MORN1: variants seen among roughly 807,000 people sequenced by gnomAD.
MORN1 encodes the protein MORN repeat containing 1.
A neutral mutation model predicts 61.9 loss-of-function variants in MORN1; 67 were observed. That is an observed-to-expected ratio of 1.08 (90% CI 0.89 to 1.33). The LOEUF is 1.33. Among genes scored for constraint, MORN1 ranks in the 40% most tolerant of loss-of-function variants. The pLI, the probability that MORN1 is intolerant of heterozygous loss-of-function variation, is 0.00. For missense variants in MORN1, 752 were observed against 691.2 expected (o/e 1.09, Z -0.99); for synonymous variants, 301 against 292.0 (o/e 1.03, Z -0.31).
intron 10 of MORN1, among the ~76,000 whole-genome samples, chr1:2,343,337 G>C (rs979656388): frequency 2.6e-5 from 4 of 152,312 alleles, no homozygotes; most frequent in African/African-American, 9.6e-5. Flanking sequence ...AAAGCTGTCT[G>C]TGTAGCTGCC....
chr1:2,378,134 G>C (rs900053616), intron 6 of MORN1: 1 of 152,384 alleles, frequency 6.6e-6, no homozygotes, highest in African/African-American at 2.4e-5. Flanking sequence ...TGGTCCCATC[G>C]CAAGTGCCTG....
In MORN1 at chr1:2,357,304, G is replaced by A. The variant is rs1261838023; in HGVS notation, c.1036+128C>T. On this transcript the variant is annotated intron_variant, in intron 10 of 13. Coordinates refer to ENST00000378531, the MANE Select transcript of MORN1 (RefSeq NM_024848.3). This position sits in a 1 kb window ranked among gnomAD's most constrained non-coding sequence, Gnocchi z 6.3. ...CGGCCCTGCCTCCTTTCACCCACGCGTGATGACTGACCCTGGGTGCGGCTT... is the reference window on the plus strand; with the variant it reads ...CGGCCCTGCCTCCTTTCACCCACGCATGATGACTGACCCTGGGTGCGGCTT... 28 of 1,026,842 alleles carry A rather than the reference G, an allele frequency of 2.7e-5. No homozygotes were observed. Among genetic ancestry groups the A allele is most frequent in the South Asian group, 5.0e-5 (3 of 59,594 alleles). The allele number at this position is 1,026,842 out of a possible 1,614,324, so 63.6% of individuals were successfully genotyped here.
chr1:2,345,856 G>C (rs557681001), intron 10 of MORN1, among the ~76,000 whole-genome samples: 1,542 of 76,744 alleles, frequency 0.02, 18 homozygotes, highest in African/African-American at 0.056. Flanking sequence ...CACACACACA[G>C]ATGTTTGCTC....
intron 8 of MORN1, among the ~76,000 whole-genome samples, chr1:2,367,921 G>C (rs1466445608): frequency 6.6e-6 from 1 of 152,116 alleles, no homozygotes; most frequent in Non-Finnish European, 1.5e-5. Flanking sequence ...GAGCCACCGT[G>C]CCTGGCCTAA....
intron 10 of MORN1, chr1:2,355,086 C>A: frequency 3.3e-6 from 3 of 920,630 alleles, no homozygotes; most frequent in Non-Finnish European, 3.9e-6. Flanking sequence ...GCGCGGGGGG[C>A]CCGCGCGGGG....
At position 2,380,069 on chromosome 1, in the gene MORN1, A is replaced by G. The variant is rs533876327; in HGVS notation, c.537+4909T>C. ...CGGGCCCGGCTCAGCCTTAGCAAGG[A>G]AGGAGGAGCTGGCACAGGCTCCAGC... On this transcript the variant is annotated intron_variant, in intron 6 of 13. Coordinates refer to ENST00000378531, the MANE Select transcript of MORN1 (RefSeq NM_024848.3). Among the ~76,000 whole-genome samples, 154 of 152,216 alleles carry G rather than the reference A, an allele frequency of 1.0e-3. 1 individual carries two copies. Among genetic ancestry groups the G allele is most frequent in the Middle Eastern group, 3.4e-3 (1 of 294 alleles).
In MORN1 at chr1:2,357,120, C is replaced by T. The variant is rs577142520; in HGVS notation, c.1036+312G>A. ...CCGTGTCCAGGCTGGCCACTGGCCT[C>T]GAGGCCTGGGTGAGTCTGCTGCCCT... On this transcript the variant is annotated intron_variant, in intron 10 of 13. Coordinates refer to ENST00000378531, the MANE Select transcript of MORN1 (RefSeq NM_024848.3). This position sits in a 1 kb window ranked among gnomAD's most constrained non-coding sequence, Gnocchi z 6.3. Among the ~76,000 whole-genome samples the T allele has an allele frequency of 1.3e-5, 2 of 152,126 alleles. No individual in the cohort carries two copies. The highest frequency in any genetic ancestry group is 2.9e-5 in the Non-Finnish European group (2 of 67,978).
chr1:2,378,708 CTCTACTCT>C, intron 6 of MORN1: 1 of 356,984 alleles, frequency 2.8e-6, no homozygotes, highest in African/African-American at 2.1e-5. Context: ...CACGTGTGGC[CTCTACTCT>C]GTCTGCTCCG....
At chr1:2,343,446 G>A (rs1024827134) in intron 10 of MORN1, among the ~76,000 whole-genome samples, 5 of 152,210 alleles carry the variant, frequency 3.3e-5, no homozygotes, top group African/African-American at 9.7e-5. Context: ...CCAGCCAGGC[G>A]GGTGTGGGGC....
intron 10 of MORN1, among the ~76,000 whole-genome samples, chr1:2,348,401 G>A (rs1397326954): frequency 5.9e-5 from 9 of 152,124 alleles, no homozygotes; most frequent in African/African-American, 1.9e-4. Flanking sequence ...GCGCGTCTCC[G>A]TGGGGAGCTG....
chr1:2,349,516 T>C (rs1031565423), intron 10 of MORN1, among the ~76,000 whole-genome samples: 2 of 152,228 alleles, frequency 1.3e-5, no homozygotes, highest in African/African-American at 2.4e-5. Flanking sequence ...TATCTTTTTA[T>C]ACTGTATTTT....
chr1:2,386,039 T>C (rs1478447368), intron 4 of MORN1, 142 bp from the exon 5 acceptor site: 2 of 683,910 alleles, frequency 2.9e-6, no homozygotes, highest in Non-Finnish European at 2.6e-6. Flanking sequence ...CCCAGGAACA[T>C]GACAGACCCT....
chr1:2,346,617 C>A (rs1279359664), intron 10 of MORN1, among the ~76,000 whole-genome samples: 1 of 152,180 alleles, frequency 6.6e-6, no homozygotes, highest in Non-Finnish European at 1.5e-5. Context: ...ATTTCCTGAC[C>A]TCAGGTGATC....
intron 10 of MORN1, chr1:2,350,514 C>T (rs558081544): frequency 2.4e-4 from 37 of 152,386 alleles, no homozygotes; most frequent in African/African-American, 8.2e-4. Flanking sequence ...GCCTGGGACC[C>T]CAAGTCCACG....
At chr1:2,331,069 G>T (rs893661654) in intron 12 of MORN1, among the ~76,000 whole-genome samples, 1 of 152,216 alleles carries the variant, frequency 6.6e-6, no homozygotes, top group Non-Finnish European at 1.5e-5. Flanking sequence ...CGGCGGGCAC[G>T]TGCGGGGCCC....
intron 12 of MORN1, among the ~76,000 whole-genome samples, chr1:2,335,719 G>A (rs1466292242): frequency 2.6e-5 from 4 of 152,108 alleles, no homozygotes; most frequent in Non-Finnish European, 5.9e-5. Context: ...CGGGGCGGGT[G>A]CTGGTCACTC....
intron 2 of MORN1, among the ~76,000 whole-genome samples, chr1:2,389,085 C>T (rs1381351754): frequency 6.8e-6 from 1 of 147,658 alleles, no homozygotes; most frequent in East Asian, 2.0e-4. Context: ...GCACTCCAGC[C>T]TGGGCAACAA....
In MORN1 at chr1:2,327,646, G is replaced by C. The variant is rs757521978; in HGVS notation, c.1251-3503C>G. Reference sequence around the variant, plus strand: ...GTGGACGGCTGCGAGTGGCCCGTGCGGCTTTTAGAAGCACAGACAGGAGAT... The same window carrying C: ...GTGGACGGCTGCGAGTGGCCCGTGCCGCTTTTAGAAGCACAGACAGGAGAT... On this transcript the variant is annotated intron_variant, in intron 12 of 13. Coordinates refer to ENST00000378531, the MANE Select transcript of MORN1 (RefSeq NM_024848.3). 6.0e-4 allele frequency among the ~76,000 whole-genome samples: 92 copies of C among 152,226 alleles called. 2 individuals are homozygous for C. The highest frequency in any genetic ancestry group is 1.9e-4 in the Non-Finnish European group (13 of 68,034).
intron 13 of MORN1, chr1:2,323,017 C>T (rs528581486): frequency 2.3e-5 from 23 of 985,358 alleles, no homozygotes; most frequent in South Asian, 9.4e-5. Flanking sequence ...TCCCTTCGCT[C>T]CTCACCCCCA....
Sources: allele counts gnomAD v4.1 joint callset (sites outside exome capture counted in the v4.1 genomes callset), GRCh38; gene constraint gnomAD v4.1.1; non-coding constraint Gnocchi (gnomAD v3.1); transcripts MANE v1.5; gene names NCBI Gene and HGNC (gene_info 2026-07-23, HGNC 2026-07-21).